Variants in GJC1 observed in about 807,000 individuals in gnomAD.
The protein encoded by GJC1 is gap junction protein gamma 1.
Under a neutral mutation model 29.3 loss-of-function variants are expected in GJC1, and 5 were observed. The observed-to-expected ratio is 0.17, with a 90% confidence interval of 0.09 to 0.36. The LOEUF (loss-of-function observed/expected upper bound fraction) is 0.36, where lower values mean the gene tolerates loss of function less well. Among genes scored for constraint, GJC1 ranks in the 10% least tolerant of loss-of-function variants. GJC1 has a pLI of 1.00. For synonymous variants in GJC1, 177 were observed against 183.3 expected, an observed-to-expected ratio of 0.97 and a Z score of 0.28; for missense variants, 310 against 496.2, an observed-to-expected ratio of 0.62 and a Z score of 3.56.
chr17:44,830,575 T>TC (rs2050223085), upstream of GJC1: 1 of 398,214 alleles, frequency 2.5e-6, no homozygotes, highest in South Asian at 1.3e-4. This position sits in a 1 kb window ranked among gnomAD's most constrained non-coding sequence, Gnocchi z 4.3. Context: ...CGGGCGAGAG[T>TC]CCCCCGCCAG....
At position 44,800,097 on chromosome 17, in the gene GJC1, C is replaced by G; in HGVS notation, c.*4530G>C. On this transcript the variant is annotated 3_prime_UTR_variant, in exon 3 of 3. Coordinates refer to ENST00000592524, the MANE Select transcript of GJC1 (RefSeq NM_005497.4). ...GAGTTTAAATTTTATTTCCAAACTG[C>G]ATGCAGGGACTTTATTATTACTATG... 6.6e-6 allele frequency: 1 copy of G among 152,040 alleles called. No homozygotes were observed. Among genetic ancestry groups the G allele is most frequent in the Admixed American group, 6.6e-5 (1 of 15,256 alleles). 9.4% of individuals were successfully genotyped at this position (152,040 alleles called of 1,614,324 possible).
rs777544143 is a variant in GJC1 at position 44,805,774 on chromosome 17, T to C, written c.44A>G (p.Asn15Ser). Residue 15 changes from asparagine (N) to serine (S), a missense_variant, in exon 3 of 3, where the codon AAC becomes AGC. Around this residue, in one of 4 missense-constraint regions of GJC1, gnomAD observed 37 missense variants for 104.2 expected, o/e 0.35. Coordinates refer to ENST00000592524, the MANE Select transcript of GJC1 (RefSeq NM_005497.4). The surrounding 1 kb of genome is among the most constrained non-coding windows in gnomAD (Gnocchi z 5.1). ...FLTRLLEEIH[N>S]HSTFVGKIWL... The stretch of plus-strand genomic sequence containing the variant: ...GATCTTCCCCACAAATGTGGAATGG[T>C]TGTGAATCTCCTCTAGCAGGCGAGT... 6.2e-7 allele frequency: 1 copy of C among 1,613,876 alleles called. No individual in the cohort carries two copies. Among genetic ancestry groups the C allele is most frequent in the African/African-American group, 1.3e-5 (1 of 75,056 alleles).
intron 1 of GJC1, among the ~76,000 whole-genome samples, chr17:44,812,007 A>C (rs974288652): frequency 6.6e-6 from 1 of 150,556 alleles, no homozygotes; most frequent in Non-Finnish European, 1.5e-5. Flanking sequence ...AAAAAAAAAA[A>C]CAAAAAACAA....
At chr17:44,829,894 ACCCCTCGGCGGCGC>A (rs1216908567) in intron 1 of GJC1, among the ~76,000 whole-genome samples, 154 bp downstream of exon 1, 2 of 151,420 alleles carry the variant, frequency 1.3e-5, no homozygotes, top group Non-Finnish European at 3.0e-5. Flanking sequence ...CTCGGCGGGA[ACCCCTCGGCGGCGC>A]CCCCCTCCTT....
chr17:44,814,842 T>C (rs1036107589), intron 1 of GJC1, among the ~76,000 whole-genome samples: 3 of 151,628 alleles, frequency 2.0e-5, no homozygotes, highest in Non-Finnish European at 4.4e-5. Context: ...ACTTGGAGGC[T>C]GAGGCAGGAG....
chr17:44,806,087 A>T (rs1429928519), intron 2 of GJC1, among the ~76,000 whole-genome samples: 1 of 152,162 alleles, frequency 6.6e-6, no homozygotes, highest in Non-Finnish European at 1.5e-5. Flanking sequence ...CAGCCTGGTC[A>T]ACATGGTGAA....
At chr17:44,826,589 G>C (rs552066349) in intron 1 of GJC1, among the ~76,000 whole-genome samples, 1 of 151,844 alleles carries the variant, frequency 6.6e-6, no homozygotes, top group African/African-American at 2.4e-5. Flanking sequence ...CTTGTTTTAG[G>C]AAAACTCTTT....
downstream of GJC1, among the ~76,000 whole-genome samples, chr17:44,796,763 CTT>C (rs1017017683): frequency 6.6e-6 from 1 of 152,004 alleles, no homozygotes; most frequent in Non-Finnish European, 1.5e-5. Context: ...CCCCAGAGAA[CTT>C]GTTAGTTCTG....
intron 1 of GJC1, among the ~76,000 whole-genome samples, chr17:44,820,878 T>G (rs1346218754): frequency 6.6e-6 from 1 of 152,240 alleles, no homozygotes; most frequent in Non-Finnish European, 1.5e-5. Flanking sequence ...CGTGACAATT[T>G]CTAAGCAAAA....
chr17:44,813,484 CTTTTTTTTTT>C (rs35299072), intron 1 of GJC1, among the ~76,000 whole-genome samples: 11 of 80,500 alleles, frequency 1.4e-4, no homozygotes, highest in Non-Finnish European at 2.5e-4. Context: ...TTCCAAGTTA[CTTTTTTTTTT>C]TTTTTTTTTT....
At chr17:44,806,771 T>G (rs1177854055) in intron 2 of GJC1, among the ~76,000 whole-genome samples, 1 of 152,080 alleles carries the variant, frequency 6.6e-6, no homozygotes, top group African/African-American at 2.4e-5. Flanking sequence ...CACACAGGTA[T>G]AGTTATTCGG....
chr17:44,795,509 T>C (rs1488077484), downstream of GJC1, among the ~76,000 whole-genome samples: 1 of 152,204 alleles, frequency 6.6e-6, no homozygotes. Context: ...CTGGGATTAC[T>C]GGCGCGAGCC....
chr17:44,800,180 G>C lies in GJC1; in HGVS notation c.*4447C>G, dbSNP rs909276388. On this transcript the variant is annotated 3_prime_UTR_variant, in exon 3 of 3. Coordinates refer to ENST00000592524, the MANE Select transcript of GJC1 (RefSeq NM_005497.4). ...GGCTGAAGTGCAATGGCGCAATCTC[G>C]GCTCACTGCAACCTCTACCTCCTGG... The C allele has an allele frequency of 6.6e-6, 1 of 151,906 alleles. No individual in the cohort carries two copies. The highest frequency in any genetic ancestry group is 2.4e-5 in the African/African-American group (1 of 41,364). The allele number at this position is 151,906 out of a possible 1,614,324, so 9.4% of individuals were successfully genotyped here.
chr17:44,817,990 A>C (rs1009638646), intron 1 of GJC1, among the ~76,000 whole-genome samples: 2 of 152,126 alleles, frequency 1.3e-5, no homozygotes, highest in African/African-American at 2.4e-5. Context: ...AGGTGGGCGG[A>C]TCAGCTAAAA....
rs2145281227 is a variant in GJC1, at chr17:44,799,522, T to G, written c.*5105A>C. 6.6e-6 allele frequency: 1 copy of G among 152,112 alleles called. No individual in the cohort carries two copies. The highest frequency in any genetic ancestry group is 1.5e-5 in the Non-Finnish European group (1 of 68,012). The allele number at this position is 152,112 out of a possible 1,614,324, so 9.4% of individuals were successfully genotyped here. ...TGCACAGCCGAGAACTTTCTTTTAT[T>G]TGGACTCCTGATTTTAGAATACCAT... On this transcript the variant is annotated 3_prime_UTR_variant, in exon 3 of 3. Coordinates refer to ENST00000592524, the MANE Select transcript of GJC1 (RefSeq NM_005497.4).
At chr17:44,823,004 T>C (rs2050129501) in intron 1 of GJC1, among the ~76,000 whole-genome samples, 1 of 152,128 alleles carries the variant, frequency 6.6e-6, no homozygotes, top group African/African-American at 2.4e-5. Flanking sequence ...ATTCCTAAAA[T>C]AGAGTCCAGC....
chr17:44,823,827 G>A (rs367572374), intron 1 of GJC1, among the ~76,000 whole-genome samples: 18 of 142,354 alleles, frequency 1.3e-4, no homozygotes, highest in South Asian at 6.9e-4. Flanking sequence ...TTCTCCTGCC[G>A]CAGCCTCCTA....
chr17:44,821,350 A>G (rs1192344061), intron 1 of GJC1, among the ~76,000 whole-genome samples: 2 of 152,194 alleles, frequency 1.3e-5, no homozygotes, highest in African/African-American at 2.4e-5. Context: ...AAATAAATGT[A>G]TGATTTTCCA....
chr17:44,805,491 C>T lies in GJC1; in HGVS notation c.327G>A (p.Lys109=), dbSNP rs997483400. The part of the protein sequence containing the change: ...IAKMEHGEAD[K]KAARSKPYAM... ...CATAGGGCTTGCTCCGAGCTGCCTT[C>T]TTGTCTGCTTCACCGTGCTCCATTT... Residue 109 remains lysine (K), a synonymous_variant, in exon 3 of 3, where the codon AAG becomes AAA. Coordinates refer to ENST00000592524, the MANE Select transcript of GJC1 (RefSeq NM_005497.4). The surrounding 1 kb of genome is among the most constrained non-coding windows in gnomAD (Gnocchi z 5.1). 6.2e-7 allele frequency: 1 copy of T among 1,614,172 alleles called. No homozygotes were observed. The highest frequency in any genetic ancestry group is 2.2e-5 in the East Asian group (1 of 44,886).
Sources: gnomAD v4.1 joint callset for allele counts (sites outside exome capture counted in the v4.1 genomes callset) on GRCh38, gnomAD v4.1.1 for gene constraint, gnomAD v4.1.1 regional missense constraint, Gnocchi (gnomAD v3.1) non-coding constraint, MANE v1.5 for transcripts, NCBI Gene and HGNC (gene_info 2026-07-23, HGNC 2026-07-21) for gene names.